MAST2: variants seen among roughly 807,000 people sequenced by gnomAD.
The protein encoded by MAST2 is microtubule-associated serine/threonine-protein kinase 2.
In MAST2, 70 loss-of-function variants were observed where a neutral mutation model predicts 147.4. That is an observed-to-expected ratio of 0.47 (90% CI 0.39 to 0.58). The LOEUF (loss-of-function observed/expected upper bound fraction) is 0.58. Among genes scored for constraint, MAST2 ranks in the 20% least tolerant of loss-of-function variants. The probability of loss-of-function intolerance (pLI) is 0.00; values close to 1 mark genes in which losing one functional copy is unlikely to be tolerated. For missense variants in MAST2, 2,080 were observed against 2,302.3 expected (o/e 0.90, Z 1.98); for synonymous variants, 869 against 896.8 (o/e 0.97, Z 0.55).
At chr1:45,901,989 G>T (rs2148491377) in intron 4 of MAST2, among the ~76,000 whole-genome samples, 1 of 152,124 alleles carries the variant, frequency 6.6e-6, no homozygotes, top group Middle Eastern at 3.4e-3. Flanking sequence ...TTGCCTAATT[G>T]CTCTGGCTAC....
chr1:45,849,728 A>G (rs571531485), intron 3 of MAST2, among the ~76,000 whole-genome samples: 2 of 152,208 alleles, frequency 1.3e-5, no homozygotes, highest in East Asian at 3.9e-4. Flanking sequence ...GGGTTTCACC[A>G]TATTAGCCAG....
rs1197693474 is a variant in MAST2, at chr1:46,014,766, C to T, written c.1188+3827C>T. Among the ~76,000 whole-genome samples, 10 of 152,010 alleles carry T rather than the reference C, an allele frequency of 6.6e-5. No homozygotes were observed. In the East Asian group the frequency reaches 7.7e-4, roughly 12 times the overall value. On this transcript the variant is annotated intron_variant, in intron 10 of 28. Coordinates refer to ENST00000361297, the MANE Select transcript of MAST2 (RefSeq NM_015112.3). ...CCACTGTCAACATTAGACAGATCAG[C>T]GTGACAGAAAGTTAGCAAGGATACC...
chr1:45,950,218 A>G (rs548561360), intron 4 of MAST2, among the ~76,000 whole-genome samples: 3 of 151,360 alleles, frequency 2.0e-5, no homozygotes, highest in Admixed American at 2.0e-4. Context: ...CCTAAAAAAT[A>G]ATAATAATAA....
chr1:45,834,486 C>G (rs1645046199), intron 3 of MAST2, among the ~76,000 whole-genome samples: 1 of 152,038 alleles, frequency 6.6e-6, no homozygotes, highest in African/African-American at 2.4e-5. Flanking sequence ...ATGTAGGAAC[C>G]ATGATCCTAA....
intron 3 of MAST2, among the ~76,000 whole-genome samples, chr1:45,871,982 G>T (rs1182814825): frequency 1.3e-5 from 2 of 152,150 alleles, no homozygotes; most frequent in African/African-American, 4.8e-5. Flanking sequence ...TCCCACCGTG[G>T]CCTCCCAAAG....
intron 4 of MAST2, among the ~76,000 whole-genome samples, chr1:45,897,460 A>G (rs1648924393): frequency 6.6e-6 from 1 of 152,210 alleles, no homozygotes; most frequent in Non-Finnish European, 1.5e-5. Context: ...TCCTAGGACC[A>G]CTGCATCAGG....
chr1:45,876,162 C>A (rs115846436), intron 3 of MAST2, among the ~76,000 whole-genome samples: 13 of 152,212 alleles, frequency 8.5e-5, no homozygotes, highest in African/African-American at 3.1e-4. Flanking sequence ...ATTACCCTGG[C>A]GTTATACATT....
intron 1 of MAST2, among the ~76,000 whole-genome samples, chr1:45,810,041 T>A (rs1644246015): frequency 6.6e-6 from 1 of 152,226 alleles, no homozygotes; most frequent in African/African-American, 2.4e-5. Context: ...TTAAGTTGCA[T>A]GTTATTGAAG....
chr1:45,841,392 A>G (rs1557823774), intron 3 of MAST2, among the ~76,000 whole-genome samples: 1 of 152,030 alleles, frequency 6.6e-6, no homozygotes, highest in South Asian at 2.1e-4. Context: ...TAGCTGTGAT[A>G]CAGTAAGAAA....
chr1:45,828,149 T>A (rs1408641576), intron 2 of MAST2, among the ~76,000 whole-genome samples: 1 of 152,216 alleles, frequency 6.6e-6, no homozygotes, highest in Non-Finnish European at 1.5e-5. Context: ...TTCTTAATTT[T>A]TACTTTCTTC....
At chr1:46,025,848 TCTCC>T in intron 16 of MAST2, 33 bp downstream of exon 16, 1 of 1,613,560 alleles carries the variant, frequency 6.2e-7, no homozygotes, top group South Asian at 1.1e-5. Flanking sequence ...TTGTCCAGGG[TCTCC>T]CTCTTGGGTC....
chr1:45,927,487 G>A (rs984176183), intron 4 of MAST2, among the ~76,000 whole-genome samples: 1 of 152,142 alleles, frequency 6.6e-6, no homozygotes, highest in Non-Finnish European at 1.5e-5. Context: ...TCTCAGGGAC[G>A]TTCCATGCTG....
At chr1:45,925,471 T>C (rs555406724) in intron 4 of MAST2, among the ~76,000 whole-genome samples, 91 of 152,304 alleles carry the variant, frequency 6.0e-4, no homozygotes, top group Non-Finnish European at 9.6e-4. Flanking sequence ...GATGGGGGTG[T>C]TGCATTTTTA....
intron 10 of MAST2, among the ~76,000 whole-genome samples, chr1:46,012,531 ATACTT>A (rs970524406): frequency 6.6e-6 from 1 of 152,190 alleles, no homozygotes; most frequent in Non-Finnish European, 1.5e-5. Flanking sequence ...ACTATACTGA[ATACTT>A]TATATGAATT....
intron 3 of MAST2, among the ~76,000 whole-genome samples, chr1:45,850,630 TG>T (rs1274640413): frequency 1.3e-5 from 2 of 152,172 alleles, no homozygotes; most frequent in Admixed American, 6.5e-5. Context: ...AATTTTTGTA[TG>T]TGGTGAAAGG....
At chr1:45,888,148 T>C (rs1030655353) in intron 4 of MAST2, among the ~76,000 whole-genome samples, 1 of 152,244 alleles carries the variant, frequency 6.6e-6, no homozygotes, top group Non-Finnish European at 1.5e-5. Flanking sequence ...ATAATGTGAC[T>C]GAATATTTCA....
intron 5 of MAST2, among the ~76,000 whole-genome samples, chr1:45,979,033 A>G (rs1644291376): frequency 6.6e-6 from 1 of 151,720 alleles, no homozygotes; most frequent in African/African-American, 2.4e-5. Context: ...CACTTTTAAA[A>G]TTGTATGAGA....
At chr1:45,963,721 A>T (rs1350195528) in intron 5 of MAST2, among the ~76,000 whole-genome samples, 1 of 152,166 alleles carries the variant, frequency 6.6e-6, no homozygotes, top group East Asian at 1.9e-4. Flanking sequence ...GGACAATTTG[A>T]CTTCCTCTTT....
intron 5 of MAST2, among the ~76,000 whole-genome samples, chr1:45,992,091 G>A (rs1478647941): frequency 1.3e-5 from 2 of 152,136 alleles, no homozygotes; most frequent in East Asian, 3.8e-4. Flanking sequence ...GGAGTAGTGA[G>A]AGGCCATCCT....
Sources: gnomAD v4.1 joint callset for allele counts (sites outside exome capture counted in the v4.1 genomes callset) on GRCh38, gnomAD v4.1.1 for gene constraint, MANE v1.5 for transcripts, NCBI Gene and HGNC (gene_info 2026-07-23, HGNC 2026-07-21) for gene names.